The following PCDHGB3 variants were observed in gnomAD, a reference collection of about 807,000 sequenced individuals.
PCDHGB3 encodes protocadherin gamma-B3.
A neutral mutation model predicts 59.2 loss-of-function variants in PCDHGB3; 40 were observed. The ratio of observed to expected loss-of-function variants is 0.68; its 90% CI spans 0.52 to 0.88. The LOEUF (loss-of-function observed/expected upper bound fraction) is 0.88. Among genes scored for constraint, PCDHGB3 ranks in the 40% least tolerant of loss-of-function variants. PCDHGB3 has a pLI of 0.00. For synonymous variants in PCDHGB3, 581 were observed against 503.6 expected, an observed-to-expected ratio of 1.15 and a Z score of -2.06; for missense variants, 1,309 against 1,187.9, an observed-to-expected ratio of 1.10 and a Z score of -1.50.
At chr5:141,498,089 A>G (rs1402239680) in intron 2 of PCDHGB3, among the ~76,000 whole-genome samples, 3 of 152,370 alleles carry the variant, frequency 2.0e-5, no homozygotes, top group South Asian at 2.1e-4. Context: ...GTAGAATTGT[A>G]TCTGGTGGTG....
At chr5:141,488,762 C>T (rs1470160100) in intron 1 of PCDHGB3, among the ~76,000 whole-genome samples, 1 of 152,142 alleles carries the variant, frequency 6.6e-6, no homozygotes, top group Non-Finnish European at 1.5e-5. Context: ...TGGGACAGAA[C>T]GCTGAGGAGT....
At chr5:141,430,100 C>T (rs6874907) in intron 1 of PCDHGB3, among the ~76,000 whole-genome samples, 7,606 of 152,160 alleles carry the variant, frequency 0.05, 372 homozygotes, top group African/African-American at 0.13. Context: ...GATTTTTAAG[C>T]GTTACATGTC....
chr5:141,475,105 G>C (rs1215386045), intron 1 of PCDHGB3, among the ~76,000 whole-genome samples: 1 of 152,156 alleles, frequency 6.6e-6, no homozygotes, highest in Non-Finnish European at 1.5e-5. Context: ...GATCCTAGGT[G>C]GTAAATAGGC....
At position 141,491,299 on chromosome 5, in the gene PCDHGB3, C is replaced by T. The variant is rs777271881; in HGVS notation, c.2416-3508C>T. ...TGACTTCCTCATACACCCTCCTGAG[C>T]GTTCAGACCTTACCCTTTACCTCAT... On this transcript the variant is annotated intron_variant, in intron 1 of 3. Transcript: ENST00000576222. This position sits in a 1 kb window ranked among gnomAD's most constrained non-coding sequence, Gnocchi z 6.9. 3.7e-6 allele frequency: 6 copies of T among 1,614,068 alleles called. No individual in the cohort carries two copies. Among genetic ancestry groups the T allele is most frequent in the Non-Finnish European group, 5.1e-6 (6 of 1,179,896 alleles).
At chr5:141,452,084 C>CGG (rs1561946918) in intron 1 of PCDHGB3, among the ~76,000 whole-genome samples, 1 of 152,170 alleles carries the variant, frequency 6.6e-6, no homozygotes, top group Non-Finnish European at 1.5e-5. Context: ...TGGCATTATA[C>CGG]AGTAAGAAAG....
Position 141,403,170 on chromosome 5 carries a change from A to C in PCDHGB3, c.2415+30361A>C. On this transcript the variant is annotated intron_variant, in intron 1 of 3. Transcript: ENST00000576222. ...CGCATCGTCTCTAGAGGTAGGACGC[A>C]GCTTTTCTCTCTGAACCCGCGCAGC... is the stretch of plus-strand genomic sequence containing the variant. 1 of 1,614,048 alleles carries C rather than the reference A, an allele frequency of 6.2e-7. No homozygotes were observed. Among genetic ancestry groups the C allele is most frequent in the East Asian group, 2.2e-5 (1 of 44,886 alleles).
rs2099411033 is a variant in PCDHGB3, at chr5:141,477,423, C to T, written c.2416-17384C>T. ...ACCGCCCGAGACGCCGGAACCCCTT[C>T]CCTCTCAGCCCTTACAATAGTGCGT... On this transcript the variant is annotated intron_variant, in intron 1 of 3. Coordinates refer to ENST00000576222, the MANE Select transcript of PCDHGB3 (RefSeq NM_018924.5). This position sits in a 1 kb window ranked among gnomAD's most constrained non-coding sequence, Gnocchi z 4.9. 1.9e-6 allele frequency: 3 copies of T among 1,614,196 alleles called. No individual in the cohort carries two copies. The highest frequency in any genetic ancestry group is 2.2e-5 in the East Asian group (1 of 44,882).
intron 1 of PCDHGB3, chr5:141,403,051 C>T (rs1273209859): frequency 3.7e-6 from 6 of 1,614,086 alleles, no homozygotes; most frequent in Admixed American, 1.7e-5. Context: ...AGATTCGCTA[C>T]TCAGTGCCTG....
At chr5:141,382,318 T>A (rs1233432296) in intron 1 of PCDHGB3, among the ~76,000 whole-genome samples, 1 of 152,250 alleles carries the variant, frequency 6.6e-6, no homozygotes, top group African/African-American at 2.4e-5. Context: ...TACACTGATG[T>A]AAATATTTTC....
intron 1 of PCDHGB3, chr5:141,412,306 A>G (rs1160364599): frequency 1.3e-5 from 2 of 152,238 alleles, no homozygotes; most frequent in Non-Finnish European, 2.9e-5. Flanking sequence ...TCTCATTACA[A>G]TGCAAACAGT....
intron 1 of PCDHGB3, chr5:141,478,812 A>C: frequency 1.4e-6 from 2 of 1,453,554 alleles, no homozygotes; most frequent in Non-Finnish European, 1.8e-6. Context: ...TTGCTATCAC[A>C]ACTAACCAAT....
In PCDHGB3 at chr5:141,454,796, A is replaced by ATTTTTTTTTTTTTTTTTTTTT. The variant is rs61612330; in HGVS notation, c.2416-40002_2416-39982dup. Reference sequence around the variant, plus strand: ...AAGGAAATAATCCTCCATGGTTCTAATTTTTTTTTTTTTTTTTTTTTTTTT... The same window carrying ATTTTTTTTTTTTTTTTTTTTT: ...AAGGAAATAATCCTCCATGGTTCTAATTTTTTTTTTTTTTTTTTTTTTTTTTTTTTTTTTTTTTTTTTTTTT... On this transcript the variant is annotated intron_variant, in intron 1 of 3. Transcript: ENST00000576222. Among the ~76,000 whole-genome samples, 10 of 77,454 alleles carry ATTTTTTTTTTTTTTTTTTTTT rather than the reference A, an allele frequency of 1.3e-4. 1 individual carries two copies. Among genetic ancestry groups the ATTTTTTTTTTTTTTTTTTTTT allele is most frequent in the Non-Finnish European group, 1.9e-4 (8 of 42,810 alleles). The allele number at this position is 77,454 out of a possible 152,430, so 50.8% of individuals were successfully genotyped here. A position where few individuals can be genotyped will look rare whatever the true frequency, so the allele number is the denominator to read the frequency against.
chr5:141,479,767 C>G (rs2099505975), intron 1 of PCDHGB3: 1 of 152,174 alleles, frequency 6.6e-6, no homozygotes, highest in African/African-American at 2.4e-5. Flanking sequence ...AAATTCATAT[C>G]CTTAGACAGG....
rs1219684339 is a variant in PCDHGB3, at chr5:141,506,444, CAAAAAAAAAAA to C, written c.2563+974_2563+984del. Among the ~76,000 whole-genome samples, 33 of 95,024 alleles carry C rather than the reference CAAAAAAAAAAA, an allele frequency of 3.5e-4. No individual in the cohort carries two copies. The East Asian group carries it at 0.011, about 31-fold the overall frequency. The allele number at this position is 95,024 out of a possible 152,430, so 62.3% of individuals were successfully genotyped here. On this transcript the variant is annotated intron_variant, in intron 3 of 3. Coordinates refer to ENST00000576222, the MANE Select transcript of PCDHGB3 (RefSeq NM_018924.5). ...CCTGGGCAACAGTCTCGCTCTGTCTCAAAAAAAAAAAAAAAAAAAAAGAGCACAGGCTTTAG... is the reference window on the plus strand; with the variant it reads ...CCTGGGCAACAGTCTCGCTCTGTCTCAAAAAAAAAAGAGCACAGGCTTTAG...
Position 141,370,696 on chromosome 5 carries a change from C to T in PCDHGB3, c.302C>T (p.Thr101Met). The T allele has an allele frequency of 1.2e-6, 2 of 1,613,694 alleles. No individual in the cohort carries two copies. Among genetic ancestry groups the T allele is most frequent in the Non-Finnish European group, 1.7e-6 (2 of 1,179,842 alleles). ...GAGGAGATTTGTGGCAAGAAGTCGA[C>T]GTGTGTTCTGGAATTTGAAATGGTT... ...DREEICGKKS[T>M]CVLEFEMVAE... The change falls in exon 1 of 4, where the codon ACG becomes ATG. Residue 101 changes from threonine (T) to methionine (M), a missense_variant. Coordinates refer to ENST00000576222, the MANE Select transcript of PCDHGB3 (RefSeq NM_018924.5).
chr5:141,445,389 C>T (rs1484183450), intron 1 of PCDHGB3, among the ~76,000 whole-genome samples: 1 of 152,174 alleles, frequency 6.6e-6, no homozygotes, highest in Non-Finnish European at 1.5e-5. Flanking sequence ...CATTCATTTA[C>T]ATAACAAATA....
chr5:141,405,353 A>G lies in PCDHGB3; in HGVS notation c.2415+32544A>G, dbSNP rs187461819. 6.9e-5 allele frequency: 112 copies of G among 1,614,026 alleles called. No homozygotes were observed. Among genetic ancestry groups the G allele is most frequent in the Admixed American group, 5.8e-4 (35 of 60,010 alleles). On this transcript the variant is annotated intron_variant, in intron 1 of 3. Coordinates refer to ENST00000576222, the MANE Select transcript of PCDHGB3 (RefSeq NM_018924.5). Reference sequence around the variant, plus strand: ...CGTCTCTGTTGATTCCAAGTTTCCTATAGAAGACACCCCTTTGGTTCCGGT... The same window carrying G: ...CGTCTCTGTTGATTCCAAGTTTCCTGTAGAAGACACCCCTTTGGTTCCGGT...
intron 1 of PCDHGB3, among the ~76,000 whole-genome samples, chr5:141,482,274 G>A (rs1219523359): frequency 6.6e-6 from 1 of 152,094 alleles, no homozygotes; most frequent in Non-Finnish European, 1.5e-5. Flanking sequence ...TTTAGCTTAG[G>A]TAAGTCTTTT....
At chr5:141,473,272 A>G (rs2099318396) in intron 1 of PCDHGB3, among the ~76,000 whole-genome samples, 1 of 152,182 alleles carries the variant, frequency 6.6e-6, no homozygotes, top group African/African-American at 2.4e-5. Flanking sequence ...GTATGCTATG[A>G]TTATTTTACT....
Sources: gnomAD v4.1 joint callset for allele counts (sites outside exome capture counted in the v4.1 genomes callset) on GRCh38, gnomAD v4.1.1 for gene constraint, Gnocchi (gnomAD v3.1) non-coding constraint, MANE v1.5 for transcripts, NCBI Gene and HGNC (gene_info 2026-07-23, HGNC 2026-07-21) for gene names.